GALNT13: variants seen among roughly 807,000 people sequenced by gnomAD.
The protein encoded by GALNT13 is UDP-GalNAc:polypeptide N-acetylgalactosaminyltransferase 13.
Under a neutral mutation model 64.2 loss-of-function variants are expected in GALNT13, and 28 were observed. The ratio of observed to expected loss-of-function variants is 0.44; its 90% CI spans 0.32 to 0.60. The LOEUF is 0.60. GALNT13 is among the 20% of genes least tolerant of loss of function. The pLI is 0.05. For missense variants in GALNT13, 577 were observed against 669.8 expected, an observed-to-expected ratio of 0.86 and a Z score of 1.53; for synonymous variants, 214 against 224.6, an observed-to-expected ratio of 0.95 and a Z score of 0.42.
At chr2:154,016,082 A>G (rs998535940) in intron 3 of GALNT13, among the ~76,000 whole-genome samples, 1 of 152,208 alleles carries the variant, frequency 6.6e-6, no homozygotes, top group African/African-American at 2.4e-5. Context: ...CACTTTGGAC[A>G]AATATCTGAC....
At chr2:154,357,699 T>C (rs1438561241) in intron 9 of GALNT13, among the ~76,000 whole-genome samples, 1 of 152,060 alleles carries the variant, frequency 6.6e-6, no homozygotes, top group Non-Finnish European at 1.5e-5. Flanking sequence ...AAGGGATGAC[T>C]GGTCATTCAC....
intron 8 of GALNT13, among the ~76,000 whole-genome samples, chr2:154,263,432 C>T (rs2105908880): frequency 6.6e-6 from 1 of 152,204 alleles, no homozygotes; most frequent in East Asian, 1.9e-4. Flanking sequence ...CTGGGCAAGT[C>T]ATAACATTCC....
the GALNT13 span, among the ~76,000 whole-genome samples, chr2:153,155,069 G>A: frequency 6.6e-6 from 1 of 152,148 alleles, no homozygotes. Flanking sequence ...GCATCCTGTG[G>A]ATGAAGCCAA....
intron 1 of GALNT13, among the ~76,000 whole-genome samples, chr2:153,899,708 C>T (rs1405796745): frequency 1.3e-5 from 2 of 151,966 alleles, no homozygotes; most frequent in African/African-American, 2.4e-5. Flanking sequence ...TTTTGGTGAA[C>T]ACAAAAGCAC....
At chr2:153,697,486 G>T in the GALNT13 span, among the ~76,000 whole-genome samples, 1 of 151,938 alleles carries the variant, frequency 6.6e-6, no homozygotes, top group African/African-American at 2.4e-5. Context: ...ACCTCCATTG[G>T]CTGAGAAAAA....
the GALNT13 span, among the ~76,000 whole-genome samples, chr2:153,726,051 C>T: frequency 0.5 from 76,426 of 151,770 alleles, 23,135 homozygotes; most frequent in Non-Finnish European, 0.68. Flanking sequence ...TATTTTAATG[C>T]CAACATAATC....
the GALNT13 span, among the ~76,000 whole-genome samples, chr2:153,215,791 G>T: frequency 1.3e-5 from 2 of 150,716 alleles, no homozygotes; most frequent in Non-Finnish European, 3.0e-5. Flanking sequence ...GCCTTTAAAA[G>T]GTACTTTAAC....
the GALNT13 span, among the ~76,000 whole-genome samples, chr2:153,390,403 A>G: frequency 3.3e-5 from 5 of 152,100 alleles, no homozygotes; most frequent in South Asian, 2.1e-4. Context: ...GGGCATGTGT[A>G]TACCTATGTA....
chr2:153,248,508 A>T, the GALNT13 span, among the ~76,000 whole-genome samples: 1 of 42,974 alleles, frequency 2.3e-5, no homozygotes, highest in Non-Finnish European at 6.0e-5. Context: ...GATAAAATTC[A>T]ACATCCTTTA....
the GALNT13 span, among the ~76,000 whole-genome samples, chr2:153,622,684 T>G: frequency 3.9e-5 from 6 of 152,172 alleles, no homozygotes; most frequent in Admixed American, 3.9e-4. Context: ...TAATATTTAC[T>G]GAATTGTACA....
intron 4 of GALNT13, among the ~76,000 whole-genome samples, chr2:154,212,327 C>T (rs2105803362): frequency 6.6e-6 from 1 of 152,166 alleles, no homozygotes; most frequent in East Asian, 1.9e-4. Flanking sequence ...TCACTTCAAC[C>T]TCTGCCTCCT....
intron 3 of GALNT13, among the ~76,000 whole-genome samples, chr2:154,033,044 A>G (rs984937128): frequency 6.6e-6 from 1 of 151,878 alleles, no homozygotes; most frequent in Non-Finnish European, 1.5e-5. Flanking sequence ...TACCATTATT[A>G]TTAATTAATT....
the GALNT13 span, among the ~76,000 whole-genome samples, chr2:153,102,349 T>A: frequency 2.6e-5 from 4 of 152,202 alleles, no homozygotes; most frequent in South Asian, 6.2e-4. Flanking sequence ...TGATTTTTTT[T>A]AAATCTCAGA....
intron 3 of GALNT13, among the ~76,000 whole-genome samples, chr2:154,018,179 C>T (rs1697134931): frequency 6.6e-6 from 1 of 152,178 alleles, no homozygotes. Context: ...ATCTCATACA[C>T]TCAGTAAATA....
At chr2:153,710,965 T>G in the GALNT13 span, among the ~76,000 whole-genome samples, 3 of 152,066 alleles carry the variant, frequency 2.0e-5, 1 homozygote, top group Admixed American at 1.3e-4. Flanking sequence ...AATAAAAATT[T>G]TATATGATAG....
intron 3 of GALNT13, among the ~76,000 whole-genome samples, chr2:154,009,179 C>T (rs7597927): frequency 0.76 from 111,376 of 146,174 alleles, 42,882 homozygotes; most frequent in East Asian, 0.96. Flanking sequence ...CTTTTTTTTT[C>T]TTTTCAATTT....
the GALNT13 span, among the ~76,000 whole-genome samples, chr2:153,305,288 T>A: frequency 0.13 from 20,077 of 152,044 alleles, 1,686 homozygotes; most frequent in Non-Finnish European, 0.18. Context: ...AATTTGTCTT[T>A]GGTAGCGTCA....
At chr2:153,730,959 A>G in the GALNT13 span, among the ~76,000 whole-genome samples, 1 of 151,916 alleles carries the variant, frequency 6.6e-6, no homozygotes, top group Non-Finnish European at 1.5e-5. Context: ...AAATTATAAT[A>G]TATCTCCTGC....
At chr2:154,322,062 T>A (rs568016102) in intron 9 of GALNT13, among the ~76,000 whole-genome samples, 1 of 151,106 alleles carries the variant, frequency 6.6e-6, no homozygotes, top group African/African-American at 2.4e-5. Flanking sequence ...TTCACAGGAG[T>A]CTAAGACCAA....
Sources: allele counts gnomAD v4.1 joint callset (sites outside exome capture counted in the v4.1 genomes callset), GRCh38; gene constraint gnomAD v4.1.1; transcripts MANE v1.5; gene names NCBI Gene and HGNC (gene_info 2026-07-23, HGNC 2026-07-21).